The following PCDH15 variants were observed in gnomAD, a reference collection of about 807,000 sequenced individuals.
PCDH15 encodes protocadherin-15.
A neutral mutation model predicts 178.5 loss-of-function variants in PCDH15; 129 were observed. The ratio of observed to expected loss-of-function variants is 0.72; its 90% CI spans 0.63 to 0.84. The LOEUF (loss-of-function observed/expected upper bound fraction) is 0.84, where lower values mean the gene tolerates loss of function less well. PCDH15 is among the 40% of genes least tolerant of loss of function. The pLI, the probability that PCDH15 is intolerant of heterozygous loss-of-function variation, is 0.00. For missense variants in PCDH15, 2,230 were observed against 2,099.9 expected, an observed-to-expected ratio of 1.06 and a Z score of -1.21; for synonymous variants, 800 against 732.0, an observed-to-expected ratio of 1.09 and a Z score of -1.50.
chr10:55,366,929 G>A (rs1048438607), intron 2 of PCDH15, among the ~76,000 whole-genome samples: 22 of 135,610 alleles, frequency 1.6e-4, no homozygotes, highest in African/African-American at 7.2e-4. Flanking sequence ...TTGCGTGTGT[G>A]TGTGTGTGTG....
At chr10:54,380,704 CCATA>C (rs1949102180) in intron 3 of PCDH15, among the ~76,000 whole-genome samples, 1 of 18,190 alleles carries the variant, frequency 5.5e-5, no homozygotes, top group African/African-American at 1.7e-4. Flanking sequence ...TATATATGCT[CCATA>C]TATATATATA....
intron 1 of PCDH15, among the ~76,000 whole-genome samples, chr10:55,221,872 ATT>A (rs879797564): frequency 6.8e-6 from 1 of 146,334 alleles, no homozygotes. Flanking sequence ...TTTTATCATT[ATT>A]TTTTTTTTTT....
intron 16 of PCDH15, among the ~76,000 whole-genome samples, chr10:54,083,206 G>A (rs2094462181): frequency 6.6e-6 from 1 of 152,146 alleles, no homozygotes; most frequent in Non-Finnish European, 1.5e-5. Flanking sequence ...TTCAATCACT[G>A]TGGAAAATAT....
intron 3 of PCDH15, among the ~76,000 whole-genome samples, chr10:54,488,173 C>A (rs2137061125): frequency 6.6e-6 from 1 of 151,840 alleles, no homozygotes; most frequent in East Asian, 1.9e-4. Flanking sequence ...ATTACTTTCA[C>A]ATATAAGTAA....
intron 15 of PCDH15, among the ~76,000 whole-genome samples, chr10:54,119,579 G>A (rs2095178685): frequency 6.6e-6 from 1 of 152,080 alleles, no homozygotes; most frequent in Non-Finnish European, 1.5e-5. Context: ...ACATTTGAGG[G>A]AAAAATTCAA....
chr10:54,821,014 C>T (rs981993017), intron 3 of PCDH15, among the ~76,000 whole-genome samples: 1 of 151,938 alleles, frequency 6.6e-6, no homozygotes, highest in African/African-American at 2.4e-5. Flanking sequence ...GGATACAGTA[C>T]CTCTTTTGCC....
Position 53,942,818 on chromosome 10 carries a change from G to A in PCDH15, c.3123-1843C>T, listed in dbSNP as rs73248535. Among the ~76,000 whole-genome samples, 815 of 152,238 alleles carry A rather than the reference G, an allele frequency of 5.4e-3. 9 individuals carry two copies. Among genetic ancestry groups the A allele is most frequent in the African/African-American group, 0.018 (762 of 41,542 alleles). On this transcript the variant is annotated intron_variant, in intron 23 of 37. Transcript: ENST00000644397. Reference sequence around the variant, plus strand: ...AGAGGACACAGCTAACCCATGCCTGGATTCCTGACCTATAGGAAATTCAAA... The same window carrying A: ...AGAGGACACAGCTAACCCATGCCTGAATTCCTGACCTATAGGAAATTCAAA...
chr10:54,272,945 C>A (rs1409011088), intron 8 of PCDH15, among the ~76,000 whole-genome samples: 1 of 152,198 alleles, frequency 6.6e-6, no homozygotes, highest in Admixed American at 6.6e-5. Context: ...GGGATGATAT[C>A]TTTCTAGTGA....
At chr10:55,574,730 T>C (rs1039781890) in intron 2 of PCDH15, among the ~76,000 whole-genome samples, 1 of 151,938 alleles carries the variant, frequency 6.6e-6, no homozygotes, top group African/African-American at 2.4e-5. Context: ...ACCAACAATA[T>C]AATAGACAAT....
At chr10:54,580,378 T>C (rs755986378) in intron 2 of PCDH15, among the ~76,000 whole-genome samples, 2 of 151,982 alleles carry the variant, frequency 1.3e-5, no homozygotes, top group African/African-American at 4.8e-5. Flanking sequence ...AATTGATACA[T>C]TCATGAAAAC....
At chr10:55,162,304 A>G (rs1319179017) in intron 2 of PCDH15, among the ~76,000 whole-genome samples, 1 of 152,176 alleles carries the variant, frequency 6.6e-6, no homozygotes, top group Non-Finnish European at 1.5e-5. Flanking sequence ...TATCCCTTCT[A>G]AAATAACTAT....
chr10:53,944,031 A>G (rs2134107068), intron 23 of PCDH15, among the ~76,000 whole-genome samples: 1 of 152,250 alleles, frequency 6.6e-6, no homozygotes, highest in East Asian at 1.9e-4. Flanking sequence ...AGTTGGTATA[A>G]ATCAGGATTC....
At chr10:55,609,243 T>G (rs1215514600) in intron 2 of PCDH15, among the ~76,000 whole-genome samples, 1 of 152,062 alleles carries the variant, frequency 6.6e-6, no homozygotes, top group East Asian at 1.9e-4. Context: ...CCAATCTAAA[T>G]GTATTGCATT....
chr10:53,812,368 C>T (rs907903472), intron 35 of PCDH15, among the ~76,000 whole-genome samples: 4 of 142,314 alleles, frequency 2.8e-5, no homozygotes, highest in African/African-American at 5.2e-5. Flanking sequence ...CCACCACGCC[C>T]GTCTAAATTT....
chr10:55,283,708 C>T (rs575357807), intron 1 of PCDH15, among the ~76,000 whole-genome samples: 1 of 150,684 alleles, frequency 6.6e-6, no homozygotes, highest in East Asian at 2.0e-4. Context: ...ATTAATGAAT[C>T]AGAATATCAA....
chr10:55,378,072 C>G (rs949287675), intron 2 of PCDH15, among the ~76,000 whole-genome samples: 2 of 151,846 alleles, frequency 1.3e-5, no homozygotes, highest in Non-Finnish European at 2.9e-5. Context: ...TAGGGTGCTA[C>G]GGGGAGGGAT....
chr10:54,120,247 C>A (rs11498089), intron 15 of PCDH15, among the ~76,000 whole-genome samples: 4,450 of 152,184 alleles, frequency 0.029, 234 homozygotes, highest in African/African-American at 0.1. Flanking sequence ...AGAAAGCCTT[C>A]AAAGAAATCC....
chr10:53,917,415 T>C (rs1388575622), intron 25 of PCDH15, among the ~76,000 whole-genome samples: 1 of 152,084 alleles, frequency 6.6e-6, no homozygotes, highest in Non-Finnish European at 1.5e-5. Flanking sequence ...CCAAAACTAA[T>C]GCTTTGTTTA....
At chr10:54,568,436 T>C (rs998256792) in intron 2 of PCDH15, 2 of 152,168 alleles carry the variant, frequency 1.3e-5, no homozygotes, top group Non-Finnish European at 2.9e-5. Context: ...ATTCAAAAAA[T>C]GGACTTTGTA....
Sources: gnomAD v4.1 joint callset for allele counts (sites outside exome capture counted in the v4.1 genomes callset) on GRCh38, gnomAD v4.1.1 for gene constraint, MANE v1.5 for transcripts, NCBI Gene and HGNC (gene_info 2026-07-23, HGNC 2026-07-21) for gene names.